Variants in FSIP1 observed in about 807,000 individuals in gnomAD.
FSIP1 encodes the protein fibrous sheath-interacting protein 1.
Under a neutral mutation model 60.9 loss-of-function variants are expected in FSIP1, and 65 were observed. That is an observed-to-expected ratio of 1.07 (90% CI 0.87 to 1.31). FSIP1 has a LOEUF of 1.31. FSIP1 is among the 40% of genes most tolerant of loss of function. The pLI, the probability that FSIP1 is intolerant of heterozygous loss-of-function variation, is 0.00. For missense variants in FSIP1, 675 were observed against 665.5 expected, an observed-to-expected ratio of 1.01 and a Z score of -0.16; for synonymous variants, 209 against 221.2, an observed-to-expected ratio of 0.94 and a Z score of 0.49.
intron 1 of FSIP1, among the ~76,000 whole-genome samples, chr15:39,778,592 A>G (rs1898140748): frequency 6.6e-6 from 1 of 152,224 alleles, no homozygotes; most frequent in African/African-American, 2.4e-5. Context: ...AAATTCCACA[A>G]GAAAAATAAA....
At chr15:39,683,877 CA>C (rs1201134167) in intron 10 of FSIP1, among the ~76,000 whole-genome samples, 1 of 152,104 alleles carries the variant, frequency 6.6e-6, no homozygotes, top group Non-Finnish European at 1.5e-5. Context: ...GTACAGGTCT[CA>C]AAAAGCACAT....
At chr15:39,735,052 G>A (rs560459401) in intron 8 of FSIP1, among the ~76,000 whole-genome samples, 2 of 152,258 alleles carry the variant, frequency 1.3e-5, no homozygotes, top group Middle Eastern at 3.4e-3. Context: ...AGTTTGATAC[G>A]CAGTGAGACC....
chr15:39,617,986 T>C lies in FSIP1; in HGVS notation c.1448A>G (p.Tyr483Cys). The C allele has an allele frequency of 3.7e-6, 6 of 1,614,214 alleles. No individual in the cohort carries two copies. The highest frequency in any genetic ancestry group is 4.2e-6 in the Non-Finnish European group (5 of 1,180,032). ...ATGTCCAGTCAAGGCTTTAGTGAGA[T>C]AGTAGCCTTTAGAAGCTTCACATTC... is the stretch of plus-strand genomic sequence containing the variant. Reference protein sequence around the residue: ...SEECEASKGYYLTKALTGHNM... With the variant: ...SEECEASKGYCLTKALTGHNM... Residue 483 changes from tyrosine (Y) to cysteine (C), a missense_variant, in exon 11 of 12, where the codon TAT becomes TGT. Tyr to Cys is a radical substitution (Grantham distance 194). Transcript: ENST00000350221.
At chr15:39,615,011 C>A (rs182342231) in intron 11 of FSIP1, among the ~76,000 whole-genome samples, 3 of 152,220 alleles carry the variant, frequency 2.0e-5, no homozygotes, top group Non-Finnish European at 2.9e-5. Context: ...TGATTTTTGA[C>A]AAAGATGTCA....
Position 39,687,136 on chromosome 15 carries a change from C to CTTTTTTTTTTTTTTTT in FSIP1, c.1188+26307_1188+26308insAAAAAAAAAAAAAAAA, listed in dbSNP as rs1491090328. On this transcript the variant is annotated intron_variant, in intron 10 of 11. Transcript: ENST00000350221. ...CACCTTTCTTTCTTTCTTTTCTTTT[C>CTTTTTTTTTTTTTTTT]CTTTTTTTTTTTTTTTTTTTTTTTT... Among the ~76,000 whole-genome samples, 74 of 47,712 alleles carry CTTTTTTTTTTTTTTTT rather than the reference C, an allele frequency of 1.6e-3. 20 individuals are homozygous for CTTTTTTTTTTTTTTTT. The highest frequency in any genetic ancestry group is 2.8e-3 in the African/African-American group (32 of 11,502). The allele number at this position is 47,712 out of a possible 152,430, so 31.3% of individuals were successfully genotyped here.
intron 5 of FSIP1, among the ~76,000 whole-genome samples, chr15:39,750,197 A>T (rs1031299410): frequency 1.3e-5 from 2 of 152,006 alleles, no homozygotes; most frequent in African/African-American, 4.8e-5. Context: ...CTCCGTGCTC[A>T]TGGATCAAAG....
intron 10 of FSIP1, among the ~76,000 whole-genome samples, chr15:39,700,816 G>T (rs1033393851): frequency 6.6e-6 from 1 of 152,086 alleles, no homozygotes; most frequent in Non-Finnish European, 1.5e-5. Context: ...CCAAAAATTG[G>T]GACACAGAAT....
At chr15:39,722,251 G>A (rs761797235) in intron 9 of FSIP1, among the ~76,000 whole-genome samples, 6 of 151,788 alleles carry the variant, frequency 4.0e-5, no homozygotes, top group African/African-American at 7.3e-5. Flanking sequence ...CATTACCCCC[G>A]GATGGAACCA....
At chr15:39,717,546 G>C (rs779860753) in intron 9 of FSIP1, among the ~76,000 whole-genome samples, 1 of 152,214 alleles carries the variant, frequency 6.6e-6, no homozygotes, top group African/African-American at 2.4e-5. Context: ...CTACTCAGAA[G>C]GTTATAAGAC....
chr15:39,695,229 CATTGCCTTTGGTGTTTA>C (rs965931104), intron 10 of FSIP1, among the ~76,000 whole-genome samples: 15 of 152,172 alleles, frequency 9.9e-5, no homozygotes, highest in African/African-American at 3.4e-4. Context: ...CACTTCTGGT[CATTGCCTTTGGTGTTTA>C]ATTGCCTTTG....
At chr15:39,718,155 G>T (rs760231341) in intron 9 of FSIP1, among the ~76,000 whole-genome samples, 2 of 151,534 alleles carry the variant, frequency 1.3e-5, no homozygotes, top group Non-Finnish European at 2.9e-5. Context: ...AATTATCTTC[G>T]AAATCCAAGC....
At chr15:39,688,671 C>T (rs151300708) in intron 10 of FSIP1, among the ~76,000 whole-genome samples, 7 of 152,132 alleles carry the variant, frequency 4.6e-5, no homozygotes, top group African/African-American at 1.7e-4. Context: ...ATTTTTATTC[C>T]AGATTCTAAG....
intron 3 of FSIP1, among the ~76,000 whole-genome samples, chr15:39,768,509 A>G (rs1168308273): frequency 6.6e-6 from 1 of 152,218 alleles, no homozygotes; most frequent in Admixed American, 6.5e-5. Context: ...ACAAATAACT[A>G]TATTCTCAAA....
At chr15:39,734,494 A>C (rs1336105769) in intron 8 of FSIP1, among the ~76,000 whole-genome samples, 1 of 152,210 alleles carries the variant, frequency 6.6e-6, no homozygotes, top group African/African-American at 2.4e-5. Context: ...AGATGATTTC[A>C]ATATATCCTG....
intron 11 of FSIP1, among the ~76,000 whole-genome samples, chr15:39,612,548 A>G (rs1324411521): frequency 6.6e-6 from 1 of 152,142 alleles, no homozygotes; most frequent in Non-Finnish European, 1.5e-5. Flanking sequence ...CAAAGAAAAA[A>G]TCTCAAATAA....
At chr15:39,704,147 C>T (rs183165756) in intron 10 of FSIP1, among the ~76,000 whole-genome samples, 18 of 152,332 alleles carry the variant, frequency 1.2e-4, no homozygotes, top group African/African-American at 3.4e-4. Flanking sequence ...TCATTACACA[C>T]ACCTGCCACC....
At chr15:39,687,977 A>G (rs931549763) in intron 10 of FSIP1, among the ~76,000 whole-genome samples, 3 of 152,158 alleles carry the variant, frequency 2.0e-5, no homozygotes, top group Admixed American at 2.0e-4. Context: ...AAAGAACTTC[A>G]AGCACTAGGA....
At chr15:39,660,296 T>C (rs957312530) in intron 10 of FSIP1, among the ~76,000 whole-genome samples, 2 of 152,152 alleles carry the variant, frequency 1.3e-5, no homozygotes, top group African/African-American at 4.8e-5. Context: ...AACAATCTCC[T>C]CCCAGACAGA....
intron 10 of FSIP1, among the ~76,000 whole-genome samples, chr15:39,682,156 T>C (rs1301230269): frequency 1.3e-5 from 2 of 152,232 alleles, no homozygotes; most frequent in African/African-American, 4.8e-5. Flanking sequence ...ATACAAATGA[T>C]ATACTGTAAT....
Sources: gnomAD v4.1 joint callset for allele counts (sites outside exome capture counted in the v4.1 genomes callset) on GRCh38, gnomAD v4.1.1 for gene constraint, MANE v1.5 for transcripts, NCBI Gene and HGNC (gene_info 2026-07-23, HGNC 2026-07-21) for gene names.